BCL11A: variants seen among roughly 807,000 people sequenced by gnomAD.
BCL11A encodes the protein BCL11 transcription factor A.
Under a neutral mutation model 55.9 loss-of-function variants are expected in BCL11A, and 2 were observed. That is an observed-to-expected ratio of 0.04 (90% confidence interval 0.01 to 0.11). The LOEUF (loss-of-function observed/expected upper bound fraction) is 0.11, where lower values mean the gene tolerates loss of function less well. BCL11A is among the 10% of genes least tolerant of loss of function. The pLI, the probability that BCL11A is intolerant of heterozygous loss-of-function variation, is 1.00. For missense variants in BCL11A, 817 were observed against 1,137.1 expected (o/e 0.72, Z 4.05); for synonymous variants, 465 against 473.4 (o/e 0.98, Z 0.23).
chr2:60,454,946 CT>C (rs1396510124), downstream of BCL11A, among the ~76,000 whole-genome samples: 1 of 152,234 alleles, frequency 6.6e-6, no homozygotes, highest in Non-Finnish European at 1.5e-5. Context: ...CTACTTCACA[CT>C]TTCTGCCATG....
intron 2 of BCL11A, chr2:60,525,703 A>G (rs912837816): frequency 1.3e-5 from 2 of 152,222 alleles, no homozygotes; most frequent in Admixed American, 6.5e-5. Flanking sequence ...AGGGAGCCCA[A>G]AATCTCACAG....
At chr2:60,467,058 A>C (rs1676652122) in intron 3 of BCL11A, among the ~76,000 whole-genome samples, 1 of 149,584 alleles carries the variant, frequency 6.7e-6, no homozygotes, top group Admixed American at 6.7e-5. Flanking sequence ...TTGAACAAGT[A>C]AATGGTGGTG....
chr2:60,505,017 C>G (rs1033239250), intron 2 of BCL11A, among the ~76,000 whole-genome samples: 8 of 152,170 alleles, frequency 5.3e-5, no homozygotes, highest in Admixed American at 5.2e-4. Context: ...CTAGTCTACC[C>G]CTGCGGCTGC....
intron 2 of BCL11A, among the ~76,000 whole-genome samples, chr2:60,505,833 G>A (rs893864119): frequency 6.6e-6 from 1 of 152,184 alleles, no homozygotes; most frequent in African/African-American, 2.4e-5. Context: ...ATATCTCTGA[G>A]AACAACTCTA....
intron 2 of BCL11A, among the ~76,000 whole-genome samples, chr2:60,503,546 T>C (rs1409914740): frequency 2.0e-5 from 3 of 152,162 alleles, no homozygotes. Context: ...GAAAATAATG[T>C]GTGGCGCTCA....
intron 2 of BCL11A, among the ~76,000 whole-genome samples, chr2:60,485,075 TG>T (rs1427671138): frequency 1.3e-5 from 2 of 152,094 alleles, no homozygotes; most frequent in African/African-American, 4.8e-5. Flanking sequence ...GGCATAGCCT[TG>T]GAAGAAAAAG....
intron 2 of BCL11A, among the ~76,000 whole-genome samples, chr2:60,480,090 G>A (rs1677868409): frequency 6.6e-6 from 1 of 152,206 alleles, no homozygotes; most frequent in African/African-American, 2.4e-5. Flanking sequence ...CCCGGGAGGA[G>A]GCCCCACTGA....
Position 60,467,138 on chromosome 2 carries a change from T to TTGGTGGTGATGGTGGTGGTGG in BCL11A, c.487+1573_487+1593dup, listed in dbSNP as rs1237797348. On this transcript the variant is annotated intron_variant, in intron 3 of 3. Transcript: ENST00000642384. Reference sequence around the variant, plus strand: ...GGTGGTGGTGGTGGTGATGGTGGTGTTGGTGGTGATGGTGGTGGTGGTGGT... The same window carrying TTGGTGGTGATGGTGGTGGTGG: ...GGTGGTGGTGGTGGTGATGGTGGTGTTGGTGGTGATGGTGGTGGTGGTGGTGGTGATGGTGGTGGTGGTGGT... 3.6e-3 allele frequency among the ~76,000 whole-genome samples: 222 copies of TTGGTGGTGATGGTGGTGGTGG among 61,810 alleles called. 2 individuals carry two copies. The highest frequency in any genetic ancestry group is 4.8e-3 in the Non-Finnish European group (143 of 29,608). 40.5% of individuals were successfully genotyped at this position (61,810 alleles called of 152,430 possible). A position where few individuals can be genotyped will look rare whatever the true frequency, so the allele number is the denominator to read the frequency against.
At chr2:60,452,686 A>G (rs1675776695), downstream of BCL11A, 1 of 1,582,780 alleles carries the variant, frequency 6.3e-7, no homozygotes, top group Non-Finnish European at 8.7e-7. Context: ...GGTTGGAGAC[A>G]GAGGAGGGGG....
chr2:60,503,800 A>T (rs1679423110), intron 2 of BCL11A, among the ~76,000 whole-genome samples: 1 of 152,258 alleles, frequency 6.6e-6, no homozygotes, highest in African/African-American at 2.4e-5. Context: ...ACTGCAAGGG[A>T]CAATATTCTG....
At chr2:60,496,418 C>A (rs1187890397) in intron 2 of BCL11A, 1 of 152,288 alleles carries the variant, frequency 6.6e-6, no homozygotes, top group Non-Finnish European at 1.5e-5. Flanking sequence ...GAGCACTAGG[C>A]TGGTGCTGCC....
rs757462932 is a variant in BCL11A at position 60,460,819 on chromosome 2, C to T, written c.2093G>A (p.Arg698His). The change falls in exon 4 of 4, where the codon CGC becomes CAC. Residue 698 changes from arginine (R) to histidine (H), a missense_variant. Arg to His is a conservative substitution (Grantham distance 29). Transcript: ENST00000642384. Reference protein sequence around the residue: ...SEHSSENGSLRFSTPPGELDG... With the variant: ...SEHSSENGSLHFSTPPGELDG... ...CAGCTCCCCGGGCGGTGTGGAGAAGCGCAAACTCCCGTTCTCCGAGGAGTG... is the reference window on the plus strand; with the variant it reads ...CAGCTCCCCGGGCGGTGTGGAGAAGTGCAAACTCCCGTTCTCCGAGGAGTG... 3.1e-6 allele frequency: 5 copies of T among 1,612,696 alleles called. No individual in the cohort carries two copies. The South Asian group carries it at 4.4e-5, about 14-fold the overall frequency.
At chr2:60,497,660 A>C (rs910273221) in intron 2 of BCL11A, among the ~76,000 whole-genome samples, 3 of 152,048 alleles carry the variant, frequency 2.0e-5, no homozygotes, top group Admixed American at 1.3e-4. Flanking sequence ...ACTGGATGGC[A>C]CTTTGCACCT....
At chr2:60,512,531 T>C (rs1012548050) in intron 2 of BCL11A, among the ~76,000 whole-genome samples, 1 of 152,100 alleles carries the variant, frequency 6.6e-6, no homozygotes, top group Non-Finnish European at 1.5e-5. Context: ...CCAGAACCTA[T>C]CACAATGCTC....
rs1209023719 is a variant in BCL11A, at chr2:60,459,272, G to C, written c.*1132C>G. 24 of 1,017,232 alleles carry C rather than the reference G, an allele frequency of 2.4e-5. No individual in the cohort carries two copies. The highest frequency in any genetic ancestry group is 2.5e-5 in the Non-Finnish European group (21 of 847,966). 63.0% of individuals were successfully genotyped at this position (1,017,232 alleles called of 1,614,324 possible). On this transcript the variant is annotated 3_prime_UTR_variant, in exon 4 of 4. Transcript: ENST00000642384. ...TCTGGATCTATTTCTTTTGGTGCCA[G>C]TATTTTTAAAAAGACATTATTAAAG...
chr2:60,540,948 G>GTGTGTGTA, intron 2 of BCL11A, among the ~76,000 whole-genome samples: 1 of 33,556 alleles, frequency 3.0e-5, no homozygotes, highest in South Asian at 5.5e-4. Context: ...CACTGGTTTT[G>GTGTGTGTA]TGTGTGTGTG....
chr2:60,458,325 T>A lies in BCL11A; in HGVS notation c.*2079A>T. On this transcript the variant is annotated 3_prime_UTR_variant, in exon 4 of 4. Coordinates refer to ENST00000642384, the MANE Select transcript of BCL11A (RefSeq NM_022893.4). ...CGGTGTGTATCCAAGGCATAGAATT[T>A]CCACTACCATTTTTAAATGGATAAC... is the stretch of plus-strand genomic sequence containing the variant. The A allele has an allele frequency of 1.9e-6, 2 of 1,027,808 alleles. No homozygotes were observed. The highest frequency in any genetic ancestry group is 2.3e-6 in the Non-Finnish European group (2 of 855,232). 63.7% of individuals were successfully genotyped at this position (1,027,808 alleles called of 1,614,324 possible). A position where few individuals can be genotyped will look rare whatever the true frequency, so the allele number is the denominator to read the frequency against.
Position 60,458,788 on chromosome 2 carries a change from A to T in BCL11A, c.*1616T>A. ...CTCTGTATCTCTGATTAGAGAAAAGATACAGATATCACAGGCAGAGTCAAG... is the reference window on the plus strand; with the variant it reads ...CTCTGTATCTCTGATTAGAGAAAAGTTACAGATATCACAGGCAGAGTCAAG... On this transcript the variant is annotated 3_prime_UTR_variant, in exon 4 of 4. Transcript: ENST00000642384. The T allele has an allele frequency of 9.7e-7, 1 of 1,031,194 alleles. No individual in the cohort carries two copies. Among genetic ancestry groups the T allele is most frequent in the South Asian group, 4.6e-5 (1 of 21,672 alleles). The allele number at this position is 1,031,194 out of a possible 1,614,324, so 63.9% of individuals were successfully genotyped here. A position where few individuals can be genotyped will look rare whatever the true frequency, so the allele number is the denominator to read the frequency against.
chr2:60,541,249 G>A (rs905788955), intron 2 of BCL11A, among the ~76,000 whole-genome samples: 30 of 152,124 alleles, frequency 2.0e-4, no homozygotes, highest in African/African-American at 7.0e-4. Flanking sequence ...CTAGGAAAAT[G>A]CACAATGCAT....
Sources: gnomAD v4.1 joint callset for allele counts (sites outside exome capture counted in the v4.1 genomes callset) on GRCh38, gnomAD v4.1.1 for gene constraint, MANE v1.5 for transcripts, NCBI Gene and HGNC (gene_info 2026-07-23, HGNC 2026-07-21) for gene names.